Variants in HAP1 observed in about 807,000 individuals in gnomAD.
The protein encoded by HAP1 is huntingtin associated protein 1, also known as huntingtin-associated protein 1.
Under a neutral mutation model 60.3 loss-of-function variants are expected in HAP1, and 59 were observed. The observed-to-expected ratio is 0.98, with a 90% confidence interval of 0.79 to 1.22. The LOEUF (loss-of-function observed/expected upper bound fraction) is 1.22. Among genes scored for constraint, HAP1 ranks in the 50% most tolerant of loss-of-function variants. HAP1 has a pLI of 0.00. For synonymous variants in HAP1, 346 were observed against 330.6 expected (o/e 1.05, Z -0.50); for missense variants, 825 against 785.3 (o/e 1.05, Z -0.60).
downstream of HAP1, among the ~76,000 whole-genome samples, chr17:41,718,702 G>A (rs1005233505): frequency 3.9e-5 from 6 of 152,194 alleles, no homozygotes; most frequent in South Asian, 6.2e-4. Flanking sequence ...AGTTGTCTCC[G>A]ACTTGTTCCA....
At position 41,724,748 on chromosome 17, in the gene HAP1, C is replaced by G. The variant is rs1226212533; in HGVS notation, c.1813G>C (p.Ala605Pro). The G allele has an allele frequency of 6.3e-7, 1 of 1,599,344 alleles. No individual in the cohort carries two copies. Among genetic ancestry groups the G allele is most frequent in the Non-Finnish European group, 8.6e-7 (1 of 1,168,860 alleles). Residue 605 changes from alanine (A) to proline (P), a missense_variant, in exon 11 of 11, where the codon GCC becomes CCC. Physicochemically the swap from Ala to Pro is conservative, Grantham distance 27 (BLOSUM62 -1). Coordinates refer to ENST00000347901, the MANE Select transcript of HAP1 (RefSeq NM_177977.3). ...MLQKGECPHGALPAASRTSCR... is the reference protein window; with the variant it reads ...MLQKGECPHGPLPAASRTSCR... Reference sequence around the variant, plus strand: ...CTTGTCCGGCTGGCGGCAGGGAGGGCCCCGTGGGGGCACTCACCTTTCTGG... The same window carrying G: ...CTTGTCCGGCTGGCGGCAGGGAGGGGCCCGTGGGGGCACTCACCTTTCTGG...
chr17:41,718,434 C>T (rs1911068853), downstream of HAP1, among the ~76,000 whole-genome samples: 1 of 152,170 alleles, frequency 6.6e-6, no homozygotes, highest in Non-Finnish European at 1.5e-5. Context: ...TCTCCTGCCC[C>T]CCTGGGCTGC....
chr17:41,724,894 A>T lies in HAP1; in HGVS notation c.1667T>A (p.Val556Glu), dbSNP rs1555588299. 1.2e-6 allele frequency: 2 copies of T among 1,613,728 alleles called. No homozygotes were observed. The highest frequency in any genetic ancestry group is 2.2e-5 in the South Asian group (2 of 91,078). ...GCCGCTGGCCTCCAGGGCTGATGTC[A>T]CCACGTTCATCCGCGTTGCCTCATC... The part of the protein sequence containing the change: ...ELDEATRMNV[V>E]TSALEASGLG... Residue 556 changes from valine to glutamate, a missense_variant, in exon 11 of 11, where the codon GTG becomes GAG. Transcript: ENST00000347901.
At position 41,725,862 on chromosome 17, in the gene HAP1, A is replaced by T. The variant is rs782149183; in HGVS notation, c.1403T>A (p.Leu468Gln). The change falls in exon 10 of 11, where the codon CTA (leucine) becomes CAA (glutamine). Residue 468 changes from leucine (L) to glutamine (Q), a missense_variant. Leu to Gln is a moderately radical substitution (Grantham distance 113, BLOSUM62 -2). Transcript: ENST00000347901. The part of the protein sequence containing the change: ...YEMPRGDTSS[L>Q]RYDFRYSEDR... ...GGGGAGCCCCTGGCAGGCTTACCTT[A>T]GGCTGGATGTGTCCCCTCTGGGCAT... is the stretch of plus-strand genomic sequence containing the variant. The T allele has an allele frequency of 8.1e-6, 13 of 1,612,544 alleles. No individual in the cohort carries two copies. In the East Asian group the frequency reaches 2.9e-4, roughly 36 times the overall value.
chr17:41,718,541 G>A (rs1324368260), downstream of HAP1, among the ~76,000 whole-genome samples: 1 of 151,776 alleles, frequency 6.6e-6, no homozygotes, highest in Admixed American at 6.6e-5. Context: ...TGAGGTCCAG[G>A]CCCCCAAGCT....
intron 9 of HAP1, among the ~76,000 whole-genome samples, 191 bp downstream of exon 9, chr17:41,726,862 C>CAAA (rs59195117): frequency 7.6e-6 from 1 of 131,688 alleles, no homozygotes; most frequent in African/African-American, 2.8e-5. Flanking sequence ...GACTCCATCT[C>CAAA]AAAAAAAAAA....
At chr17:41,727,458 T>A in intron 8 of HAP1, 1 of 778,046 alleles carries the variant, frequency 1.3e-6, no homozygotes, top group South Asian at 1.3e-5. Flanking sequence ...CACGCTCTGC[T>A]GGGACCCAGG....
In HAP1 at chr17:41,729,100, CCA is replaced by C. The variant is rs575777081; in HGVS notation, c.1070-771_1070-770del. On this transcript the variant is annotated intron_variant, in intron 6 of 10. Coordinates refer to ENST00000347901, the MANE Select transcript of HAP1 (RefSeq NM_177977.3). Reference sequence around the variant, plus strand: ...GGATTACAGGCATGCGCCACCACGCCCAGTTAATTTTTGTATTTTTAGTAGAG... The same window carrying C: ...GGATTACAGGCATGCGCCACCACGCCGTTAATTTTTGTATTTTTAGTAGAG... Among the ~76,000 whole-genome samples, 462 of 151,858 alleles carry C rather than the reference CCA, an allele frequency of 3.0e-3. 1 individual carries two copies. Among genetic ancestry groups the C allele is most frequent in the Non-Finnish European group, 5.0e-3 (342 of 67,936 alleles).
chr17:41,727,638 GA>G (rs2143214183), intron 8 of HAP1, 123 bp downstream of exon 8: 1 of 673,020 alleles, frequency 1.5e-6, no homozygotes, highest in African/African-American at 1.8e-5. Context: ...GGAGGGGGTG[GA>G]AACGGACAAG....
intron 9 of HAP1, 149 bp from the exon 10 acceptor site, chr17:41,726,046 G>C (rs1911602359): frequency 1.6e-6 from 1 of 641,214 alleles, no homozygotes; most frequent in South Asian, 1.7e-5. Flanking sequence ...GAGGTGGGCA[G>C]GTCACCTGAG....
chr17:41,717,795 G>A (rs920628184), downstream of HAP1: 21 of 280,920 alleles, frequency 7.5e-5, no homozygotes, highest in Admixed American at 6.5e-4. Flanking sequence ...AACTGGGAGC[G>A]TGACAAGTCC....
intron 1 of HAP1, 56 bp from the exon 2 acceptor site, chr17:41,732,854 A>G: frequency 1.0e-6 from 1 of 953,210 alleles, no homozygotes; most frequent in Non-Finnish European, 1.7e-6. Context: ...AAAAAGGAGC[A>G]GATGCTACCA....
intron 9 of HAP1, 124 bp from the exon 10 acceptor site, chr17:41,726,021 G>C (rs770575649): frequency 2.7e-6 from 2 of 746,046 alleles, no homozygotes; most frequent in Non-Finnish European, 4.7e-6. Context: ...TGTAATCCCA[G>C]CACTTTGGGA....
In HAP1 at chr17:41,734,549, G is replaced by A. The variant is rs143867483; in HGVS notation, c.86C>T (p.Pro29Leu). Residue 29 changes from proline to leucine, a missense_variant, in exon 1 of 11, where the codon CCC becomes CTC. Coordinates refer to ENST00000347901, the MANE Select transcript of HAP1 (RefSeq NM_177977.3). ...GGGCTCCGGAGCGGGACTGGCTGAG[G>A]GCGAAGGTGCACAGGTGAGTGCTGC... The part of the protein sequence containing the change: ...DPAALTCAPS[P>L]SASPAPEPSA... 219 of 1,609,526 alleles carry A rather than the reference G, an allele frequency of 1.4e-4. 2 individuals carry two copies. In the African/African-American group the frequency reaches 2.5e-3, roughly 19 times the overall value.
Position 41,727,078 on chromosome 17 carries a change from A to G in HAP1, c.1342T>C (p.Ser448Pro). The change falls in exon 9 of 11, where the codon TCA (serine) becomes CCA (proline). Residue 448 changes from serine to proline, a missense_variant. Transcript: ENST00000347901. ...ELRTSLRRMISDPVYFMERNY... is the reference protein window; with the variant it reads ...ELRTSLRRMIPDPVYFMERNY... ...CTCTCCATAAAATACACAGGGTCTG[A>G]GATCATCCTCCTTAGAGACGTTCTG... 1 of 1,577,166 alleles carries G rather than the reference A, an allele frequency of 6.3e-7. No individual in the cohort carries two copies.
At position 41,727,100 on chromosome 17, in the gene HAP1, T is replaced by C. The variant is rs1555589044; in HGVS notation, c.1320A>G (p.Arg440=). The C allele has an allele frequency of 1.3e-6, 2 of 1,594,936 alleles. No individual in the cohort carries two copies. Among genetic ancestry groups the C allele is most frequent in the African/African-American group, 1.3e-5 (1 of 74,856 alleles). ...CTGAGATCATCCTCCTTAGAGACGT[T>C]CTGAGCTCCTCAGCCAGCGTCTCCT... ...GFQETLAEEL[R]TSLRRMISDP... The change falls in exon 9 of 11, where the codon AGA becomes AGG. Residue 440 remains arginine, a synonymous_variant. Transcript: ENST00000347901.
At chr17:41,718,381 CCT>C (rs1911067107), downstream of HAP1, 3 of 167,722 alleles carry the variant, frequency 1.8e-5, no homozygotes, top group Non-Finnish European at 2.6e-5. Flanking sequence ...AGCCCTGTCC[CCT>C]CTCAGGGCTG....
intron 8 of HAP1, 105 bp from the exon 9 acceptor site, chr17:41,727,249 GAC>G: frequency 1.3e-6 from 1 of 795,524 alleles, no homozygotes; most frequent in Non-Finnish European, 2.3e-6. Flanking sequence ...CCAAGGCTGA[GAC>G]ACAGGCACAG....
chr17:41,722,775 C>T lies in HAP1; in HGVS notation c.*1926G>A, dbSNP rs1911291753. On this transcript the variant is annotated 3_prime_UTR_variant, in exon 11 of 11. Coordinates refer to ENST00000347901, the MANE Select transcript of HAP1 (RefSeq NM_177977.3). ...GTCCCAGCCCCCAGCTATTGAGGAA[C>T]AAAGGTGTGGGAAAGGGCAGAACAT... 6.9e-6 allele frequency: 1 copy of T among 145,010 alleles called. No individual in the cohort carries two copies. Among genetic ancestry groups the T allele is most frequent in the African/African-American group, 2.6e-5 (1 of 38,938 alleles). 9.0% of individuals were successfully genotyped at this position (145,010 alleles called of 1,614,324 possible). A position where few individuals can be genotyped will look rare whatever the true frequency, so the allele number is the denominator to read the frequency against.
Sources: allele counts gnomAD v4.1 joint callset (sites outside exome capture counted in the v4.1 genomes callset), GRCh38; gene constraint gnomAD v4.1.1; transcripts MANE v1.5; gene names NCBI Gene and HGNC (gene_info 2026-07-23, HGNC 2026-07-21).